The following MYO1E variants were observed in gnomAD, a reference collection of about 807,000 sequenced individuals.
MYO1E encodes myosin IE.
Under a neutral mutation model 151.1 loss-of-function variants are expected in MYO1E, and 68 were observed. The ratio of observed to expected loss-of-function variants is 0.45; its 90% CI spans 0.37 to 0.55. The LOEUF (loss-of-function observed/expected upper bound fraction) is 0.55. Ranked by LOEUF, MYO1E falls within the 20% of genes least tolerant of loss-of-function variation. MYO1E has a pLI of 0.00. For missense variants in MYO1E, 1,363 were observed against 1,389.3 expected (o/e 0.98, Z 0.30); for synonymous variants, 601 against 501.7 (o/e 1.20, Z -2.64).
Position 59,135,554 on chromosome 15 carries a change from T to C in MYO1E, c.*1826A>G, listed in dbSNP as rs2079367259. 1 of 152,250 alleles carries C rather than the reference T, an allele frequency of 6.6e-6. No homozygotes were observed. Among genetic ancestry groups the C allele is most frequent in the Non-Finnish European group, 1.5e-5 (1 of 68,052 alleles). 9.4% of individuals were successfully genotyped at this position (152,250 alleles called of 1,614,324 possible). A position where few individuals can be genotyped will look rare whatever the true frequency, so the allele number is the denominator to read the frequency against. ...TTTCCTCAACTCACCGCATCATGGC[T>C]CTACTTTCCTCTCTGGTCGCAACAT... is the stretch of plus-strand genomic sequence containing the variant. On this transcript the variant is annotated 3_prime_UTR_variant, in exon 28 of 28. Coordinates refer to ENST00000288235, the MANE Select transcript of MYO1E (RefSeq NM_004998.4).
At chr15:59,147,596 C>CAAAAAAAAAAAAAA (rs748173480) in intron 26 of MYO1E, among the ~76,000 whole-genome samples, 3 of 66,084 alleles carry the variant, frequency 4.5e-5, no homozygotes, top group African/African-American at 6.5e-5. Flanking sequence ...GACTCTGTCT[C>CAAAAAAAAAAAAAA]AAAAAAAAAA....
chr15:59,208,015 C>T, intron 14 of MYO1E: 1 of 1,606,340 alleles, frequency 6.2e-7, no homozygotes, highest in Non-Finnish European at 8.5e-7. Context: ...AAAGCTGACC[C>T]CTGAAGAAGA....
intron 1 of MYO1E, among the ~76,000 whole-genome samples, chr15:59,293,052 T>C (rs1206060920): frequency 7.2e-5 from 11 of 152,108 alleles, no homozygotes; most frequent in Admixed American, 6.5e-4. Flanking sequence ...GGGGGTACCA[T>C]TGGTCCAAAC....
chr15:59,140,136 CTCT>C (rs1300113359), intron 26 of MYO1E, among the ~76,000 whole-genome samples: 1 of 152,022 alleles, frequency 6.6e-6, no homozygotes, highest in Non-Finnish European at 1.5e-5. Flanking sequence ...GATCCCTGGC[CTCT>C]ACCCACTGGA....
chr15:59,331,296 T>C (rs1174597543), intron 1 of MYO1E, among the ~76,000 whole-genome samples: 2 of 152,180 alleles, frequency 1.3e-5, no homozygotes, highest in African/African-American at 4.8e-5. Flanking sequence ...CTCACTATAT[T>C]ATGGACACAG....
At chr15:59,296,995 ACGCCCGGC>A (rs1159488164) in intron 1 of MYO1E, among the ~76,000 whole-genome samples, 39,478 of 96,262 alleles carry the variant, frequency 0.41, 15,321 homozygotes, top group South Asian at 0.6. Flanking sequence ...GCCCGCTACC[ACGCCCGGC>A]TAATCGCCCG....
At chr15:59,178,209 C>T (rs1294664284) in intron 19 of MYO1E, among the ~76,000 whole-genome samples, 184 bp downstream of exon 19, 1 of 152,126 alleles carries the variant, frequency 6.6e-6, no homozygotes, top group Non-Finnish European at 1.5e-5. Flanking sequence ...CAGTGATGGG[C>T]TATGGAGAGC....
intron 9 of MYO1E, 182 bp from the exon 10 acceptor site, chr15:59,218,269 TCTC>T (rs1185280485): frequency 1.4e-6 from 1 of 725,136 alleles, no homozygotes; most frequent in Middle Eastern, 2.3e-4. Context: ...TACACATCCA[TCTC>T]CTTTGTTTTT....
chr15:59,157,551 C>T (rs550408905), intron 25 of MYO1E, among the ~76,000 whole-genome samples: 11 of 152,264 alleles, frequency 7.2e-5, no homozygotes, highest in African/African-American at 2.4e-4. Context: ...GGACACGAAT[C>T]GTCCCTTTGC....
intron 1 of MYO1E, among the ~76,000 whole-genome samples, chr15:59,287,667 C>T (rs2080394924): frequency 6.6e-6 from 1 of 152,142 alleles, no homozygotes. Flanking sequence ...GAGGAGTCTG[C>T]ATGTTTTTCC....
chr15:59,242,192 C>T (rs1190683830), intron 4 of MYO1E, among the ~76,000 whole-genome samples: 1 of 152,222 alleles, frequency 6.6e-6, no homozygotes, highest in Admixed American at 6.5e-5. Flanking sequence ...ATATTATTTA[C>T]TTAGTTTTCA....
rs1268712773 is a variant in MYO1E at position 59,309,026 on chromosome 15, T to C, written c.4-36577A>G. ...TACTTGGGAGGCTGAGGTGGGAGGA[T>C]AGCTTGAGCCTGGGAGTTCGGAAGC... is the stretch of plus-strand genomic sequence containing the variant. On this transcript the variant is annotated intron_variant, in intron 1 of 27. Coordinates refer to ENST00000288235, the MANE Select transcript of MYO1E (RefSeq NM_004998.4). Among the ~76,000 whole-genome samples, 12 of 151,842 alleles carry C rather than the reference T, an allele frequency of 7.9e-5. No homozygotes were observed. The East Asian group carries it at 1.4e-3, about 17-fold the overall frequency.
intron 1 of MYO1E, among the ~76,000 whole-genome samples, chr15:59,288,620 T>A (rs61013714): frequency 1.3e-5 from 2 of 152,178 alleles, no homozygotes; most frequent in Non-Finnish European, 2.9e-5. Context: ...ATAGCTCTGA[T>A]TGGATGTATG....
In MYO1E at chr15:59,307,565, T is replaced by C. The variant is rs2080521912; in HGVS notation, c.4-35116A>G. On this transcript the variant is annotated intron_variant, in intron 1 of 27. Coordinates refer to ENST00000288235, the MANE Select transcript of MYO1E (RefSeq NM_004998.4). Reference sequence around the variant, plus strand: ...AAGACCCCTAATCTAGCTATTTGGGTGAGTATATTATTTGTAAATGATTCC... The same window carrying C: ...AAGACCCCTAATCTAGCTATTTGGGCGAGTATATTATTTGTAAATGATTCC... 2.0e-5 allele frequency among the ~76,000 whole-genome samples: 3 copies of C among 152,074 alleles called. No individual in the cohort carries two copies. The South Asian group carries it at 6.2e-4, about 32-fold the overall frequency.
intron 1 of MYO1E, among the ~76,000 whole-genome samples, chr15:59,332,931 T>C (rs1435603081): frequency 6.6e-6 from 1 of 152,152 alleles, no homozygotes; most frequent in Admixed American, 6.5e-5. Flanking sequence ...TAATCAGGTG[T>C]TTCCTACTGT....
chr15:59,324,278 G>A (rs1188547873), intron 1 of MYO1E, among the ~76,000 whole-genome samples: 4 of 152,030 alleles, frequency 2.6e-5, no homozygotes, highest in Admixed American at 1.3e-4. Context: ...AGTCACATCC[G>A]TTAAGAGAGA....
At chr15:59,338,284 CTTT>C (rs35457560) in intron 1 of MYO1E, among the ~76,000 whole-genome samples, 7 of 128,624 alleles carry the variant, frequency 5.4e-5, no homozygotes, top group African/African-American at 8.5e-5. Flanking sequence ...TCAGTATTGA[CTTT>C]TTTTTTTTTT....
intron 19 of MYO1E, among the ~76,000 whole-genome samples, chr15:59,176,641 T>C (rs1186510635): frequency 6.6e-6 from 1 of 152,066 alleles, no homozygotes; most frequent in Non-Finnish European, 1.5e-5. Context: ...TTAAATTTTT[T>C]TGTAGAGAAG....
chr15:59,335,452 C>T (rs1196775824), intron 1 of MYO1E, among the ~76,000 whole-genome samples: 1 of 152,044 alleles, frequency 6.6e-6, no homozygotes, highest in Non-Finnish European at 1.5e-5. Flanking sequence ...TCTGTGGCCA[C>T]ATCAGGAGAG....
Sources: gnomAD v4.1 joint callset for allele counts (sites outside exome capture counted in the v4.1 genomes callset) on GRCh38, gnomAD v4.1.1 for gene constraint, MANE v1.5 for transcripts, NCBI Gene and HGNC (gene_info 2026-07-23, HGNC 2026-07-21) for gene names.